KLHL4: variants seen among roughly 807,000 people sequenced by gnomAD.
The protein encoded by KLHL4 is kelch like family member 4.
KLHL4 carries 17 observed loss-of-function variants against 45.8 expected under a neutral mutation model. The observed-to-expected ratio is 0.37, with a 90% CI of 0.25 to 0.56. KLHL4 has a LOEUF of 0.56. Among genes scored for constraint, KLHL4 ranks in the 20% least tolerant of loss-of-function variants. The probability of loss-of-function intolerance (pLI) is 0.79; values close to 1 mark genes in which losing one functional copy is unlikely to be tolerated. For missense variants in KLHL4, 544 were observed against 544.9 expected (o/e 1.00, Z 0.02); for synonymous variants, 224 against 189.9 (o/e 1.18, Z -1.47).
intron 2 of KLHL4, 122 bp downstream of exon 2, chrX:87,614,166 C>A (rs1173232975): frequency 6.7e-6 from 4 of 598,576 alleles, no homozygotes; most frequent in East Asian, 7.2e-5. Flanking sequence ...TTGAAAAAGT[C>A]TTCGCCTATA....
intron 1 of KLHL4, among the ~76,000 whole-genome samples, chrX:87,546,065 A>G (rs781320519): frequency 1.7e-4 from 19 of 111,625 alleles, no homozygotes; most frequent in African/African-American, 6.2e-4. Context: ...ACAAAAAACA[A>G]CAAAACAAAA....
chrX:87,655,904 T>C (rs1299425844), intron 9 of KLHL4, among the ~76,000 whole-genome samples: 1 of 111,850 alleles, frequency 8.9e-6, no homozygotes, highest in African/African-American at 3.2e-5. Flanking sequence ...TTCTCAGTGT[T>C]TGCTTGCCTG....
intron 9 of KLHL4, among the ~76,000 whole-genome samples, chrX:87,657,813 A>T (rs756474486): frequency 9.0e-6 from 1 of 111,571 alleles, no homozygotes; most frequent in South Asian, 3.8e-4. Context: ...AATGGGGTAA[A>T]ATTTTGATGG....
intron 1 of KLHL4, among the ~76,000 whole-genome samples, chrX:87,569,907 G>GTTGCACAACA (rs1932298708): frequency 1.8e-5 from 2 of 111,098 alleles, no homozygotes; most frequent in Admixed American, 1.9e-4. Context: ...GTTGATGATG[G>GTTGCACAACA]TTGCACAACA....
rs144331325 is a variant in KLHL4 at position 87,571,601 on chromosome X, G to A, written c.423-42276G>A. ...CACTGCATGAAATAGGATCATGACA[G>A]CAGTAAAAATGTTTCTAATTTTAAA... On this transcript the variant is annotated intron_variant, in intron 1 of 10. Coordinates refer to ENST00000373119, the MANE Select transcript of KLHL4 (RefSeq NM_019117.5). Among the ~76,000 whole-genome samples, 768 of 110,976 alleles carry A rather than the reference G, an allele frequency of 6.9e-3. 3 individuals carry two copies. Among genetic ancestry groups the A allele is most frequent in the Non-Finnish European group, 0.012 (611 of 52,532 alleles).
chrX:87,559,925 T>TA (rs1207882672), intron 1 of KLHL4, among the ~76,000 whole-genome samples: 3 of 111,749 alleles, frequency 2.7e-5, no homozygotes, highest in Non-Finnish European at 5.6e-5. Context: ...CTGTAAATTA[T>TA]AAAAAACAAT....
At chrX:87,555,519 G>T in intron 1 of KLHL4, among the ~76,000 whole-genome samples, 1 of 109,459 alleles carries the variant, frequency 9.1e-6, no homozygotes, top group Admixed American at 9.8e-5. Context: ...GGTGTTTGTA[G>T]TATTCTCTGA....
At chrX:87,617,209 CTGTT>C (rs1236101244) in intron 3 of KLHL4, among the ~76,000 whole-genome samples, 73 of 90,560 alleles carry the variant, frequency 8.1e-4, no homozygotes, top group African/African-American at 2.5e-3. Flanking sequence ...CAAAAAGAGA[CTGTT>C]TTTTTTTTTA....
At chrX:87,611,240 T>G (rs1922361216) in intron 1 of KLHL4, among the ~76,000 whole-genome samples, 1 of 111,492 alleles carries the variant, frequency 9.0e-6, no homozygotes, top group Non-Finnish European at 1.9e-5. Context: ...CACAAAAATA[T>G]TAAAGAGGGT....
At chrX:87,605,713 T>TTTCA (rs1247292228) in intron 1 of KLHL4, among the ~76,000 whole-genome samples, 1 of 111,374 alleles carries the variant, frequency 9.0e-6, no homozygotes, top group Non-Finnish European at 1.9e-5. Flanking sequence ...ATTTGATGCC[T>TTTCA]TTCATTTTTC....
At chrX:87,612,431 A>G (rs1342548508) in intron 1 of KLHL4, among the ~76,000 whole-genome samples, 1 of 111,865 alleles carries the variant, frequency 8.9e-6, no homozygotes. Flanking sequence ...TGTAAACTGG[A>G]AGCAATAGGC....
chrX:87,590,332 G>T (rs889893327), intron 1 of KLHL4, among the ~76,000 whole-genome samples: 4 of 110,504 alleles, frequency 3.6e-5, no homozygotes, highest in Non-Finnish European at 7.6e-5. Flanking sequence ...TAATCCTGAT[G>T]AAAAAAATCA....
At chrX:87,583,219 A>G (rs761604973) in intron 1 of KLHL4, among the ~76,000 whole-genome samples, 2 of 111,664 alleles carry the variant, frequency 1.8e-5, no homozygotes, top group East Asian at 5.7e-4. Flanking sequence ...GCACTGATTA[A>G]TGTGTTTTAC....
At chrX:87,649,105 C>A (rs780305372) in intron 9 of KLHL4, among the ~76,000 whole-genome samples, 42 of 111,322 alleles carry the variant, frequency 3.8e-4, no homozygotes, top group Non-Finnish European at 7.6e-4. Context: ...CACTGTTTTG[C>A]AAATATCACT....
intron 1 of KLHL4, among the ~76,000 whole-genome samples, chrX:87,602,229 C>A (rs952343067): frequency 9.1e-6 from 1 of 110,180 alleles, no homozygotes; most frequent in African/African-American, 3.3e-5. Context: ...ACTAAATAAG[C>A]TAAGTTACAG....
intron 7 of KLHL4, 95 bp from the exon 8 acceptor site, chrX:87,633,654 C>CA (rs1306220804): frequency 1.8e-4 from 138 of 751,138 alleles, no homozygotes; most frequent in Admixed American, 9.2e-4. Flanking sequence ...ATAAGCAAAA[C>CA]AAAAAAATTT....
At chrX:87,557,691 G>A (rs1012572527) in intron 1 of KLHL4, among the ~76,000 whole-genome samples, 7 of 108,453 alleles carry the variant, frequency 6.5e-5, no homozygotes, top group Non-Finnish European at 1.3e-4. Flanking sequence ...ATAAATTAAT[G>A]GGAATATTCA....
At chrX:87,601,033 C>T (rs1922000997) in intron 1 of KLHL4, among the ~76,000 whole-genome samples, 1 of 111,398 alleles carries the variant, frequency 9.0e-6, no homozygotes, top group South Asian at 3.8e-4. Flanking sequence ...GGAATGTATC[C>T]AAGTCGCAGC....
At chrX:87,657,681 G>A (rs964647968) in intron 9 of KLHL4, among the ~76,000 whole-genome samples, 2 of 111,649 alleles carry the variant, frequency 1.8e-5, no homozygotes, top group African/African-American at 3.3e-5. Context: ...AGCTGGGGTG[G>A]TGGTAGTAAG....
Sources: allele counts gnomAD v4.1 joint callset (sites outside exome capture counted in the v4.1 genomes callset), GRCh38; gene constraint gnomAD v4.1.1; transcripts MANE v1.5; gene names NCBI Gene and HGNC (gene_info 2026-07-23, HGNC 2026-07-21).